The following RELN variants were observed in gnomAD, a reference collection of about 807,000 sequenced individuals.
RELN encodes reelin.
RELN carries 108 observed loss-of-function variants against 427.6 expected under a neutral mutation model. That is an observed-to-expected ratio of 0.25 (90% CI 0.22 to 0.30). RELN has a LOEUF of 0.30. Ranked by LOEUF, RELN falls within the 10% of genes least tolerant of loss-of-function variation. The pLI, the probability that RELN is intolerant of heterozygous loss-of-function variation, is 1.00. For missense variants in RELN, 3,715 were observed against 4,302.8 expected, an observed-to-expected ratio of 0.86 and a Z score of 3.82; for synonymous variants, 1,524 against 1,513.4, an observed-to-expected ratio of 1.01 and a Z score of -0.16.
chr7:103,921,139 T>C (rs1795609142), intron 1 of RELN, among the ~76,000 whole-genome samples: 2 of 152,296 alleles, frequency 1.3e-5, no homozygotes, highest in Non-Finnish European at 2.9e-5. Flanking sequence ...GCAGAGATAT[T>C]TAGAAATAGT....
Position 103,497,881 on chromosome 7 carries a change from G to A in RELN, c.8889C>T (p.Thr2963=), listed in dbSNP as rs868680912. 1.2e-6 allele frequency: 2 copies of A among 1,614,024 alleles called. No homozygotes were observed. The highest frequency in any genetic ancestry group is 1.7e-6 in the Non-Finnish European group (2 of 1,180,020). ...TCCGGCAGATGGGACGATGGCAAGAGGTCATGTTGTTCTCACTACCGATGC... is the reference window on the plus strand; with the variant it reads ...TCCGGCAGATGGGACGATGGCAAGAAGTCATGTTGTTCTCACTACCGATGC... ...WGRIGSENNM[T]SCHRPICRKE... Residue 2963 remains threonine (T), a synonymous_variant, in exon 55 of 65, where the codon ACC becomes ACT. Coordinates refer to ENST00000428762, the MANE Select transcript of RELN (RefSeq NM_005045.4).
intron 2 of RELN, among the ~76,000 whole-genome samples, chr7:103,890,021 A>T (rs1380433728): frequency 1.3e-5 from 2 of 151,978 alleles, no homozygotes; most frequent in Admixed American, 6.6e-5. Context: ...CTTTTTGTTA[A>T]TGCACCCCTC....
intron 58 of RELN, 46 bp downstream of exon 58, chr7:103,491,907 T>TG (rs1828685114): frequency 1.8e-6 from 2 of 1,122,264 alleles, no homozygotes; most frequent in African/African-American, 3.2e-5. Context: ...ACGATTTGGA[T>TG]GGGGTATTCA....
intron 2 of RELN, among the ~76,000 whole-genome samples, chr7:103,907,249 C>A (rs986584213): frequency 2.0e-5 from 3 of 151,372 alleles, no homozygotes; most frequent in African/African-American, 7.3e-5. Flanking sequence ...AACCCCATCT[C>A]TACTAAAAAC....
chr7:103,780,906 C>A (rs145529460), intron 3 of RELN, among the ~76,000 whole-genome samples: 1 of 152,274 alleles, frequency 6.6e-6, no homozygotes, highest in African/African-American at 2.4e-5. Flanking sequence ...ATGCTACTGC[C>A]ATAAAATTAC....
At position 103,565,539 on chromosome 7, in the gene RELN, T is replaced by A; in HGVS notation, c.4949A>T (p.Tyr1650Phe). Residue 1650 changes from tyrosine (Y) to phenylalanine (F), a missense_variant, in exon 34 of 65, where the codon TAT becomes TTT. By Grantham distance (22) the Tyr-to-Phe change is conservative. This residue lies in a region of RELN where 2,208 missense variants were observed against 2,361.7 expected (regional missense o/e 0.93). Transcript: ENST00000428762. ...IFTENIGKPR[Y>F]AETWDFHVSA... Reference sequence around the variant, plus strand: ...CACATGAAAATCCCAGGTCTCAGCATAACGAGGTTTTCCTGAAAAAAAAAA... The same window carrying A: ...CACATGAAAATCCCAGGTCTCAGCAAAACGAGGTTTTCCTGAAAAAAAAAA... 6.2e-7 allele frequency: 1 copy of A among 1,607,218 alleles called. No individual in the cohort carries two copies. The highest frequency in any genetic ancestry group is 8.5e-7 in the Non-Finnish European group (1 of 1,177,454).
intron 3 of RELN, among the ~76,000 whole-genome samples, chr7:103,813,147 T>C (rs262374): frequency 0.95 from 144,384 of 152,250 alleles, 68,668 homozygotes; most frequent in South Asian, 1. Flanking sequence ...CCTGGAAGGT[T>C]ACTGGAAACC....
At chr7:103,541,939 A>G (rs1039106304) in intron 43 of RELN, among the ~76,000 whole-genome samples, 2 of 152,224 alleles carry the variant, frequency 1.3e-5, no homozygotes, top group African/African-American at 4.8e-5. Context: ...GGGAAAAAGA[A>G]GGGGTAAAAA....
chr7:103,802,137 G>A (rs756320008), intron 3 of RELN, among the ~76,000 whole-genome samples: 1 of 152,080 alleles, frequency 6.6e-6, no homozygotes, highest in Non-Finnish European at 1.5e-5. Flanking sequence ...ATAAGAGAAC[G>A]AAAGTAAGAG....
At chr7:103,507,775 A>T (rs1829265097) in intron 51 of RELN, among the ~76,000 whole-genome samples, 3 of 152,188 alleles carry the variant, frequency 2.0e-5, no homozygotes, top group African/African-American at 7.2e-5. Context: ...AACAAAAGAG[A>T]TGGACCACTA....
intron 2 of RELN, among the ~76,000 whole-genome samples, chr7:103,848,810 G>C (rs1793744637): frequency 6.6e-6 from 1 of 152,172 alleles, no homozygotes; most frequent in Non-Finnish European, 1.5e-5. Flanking sequence ...TGGACTTCTT[G>C]ATCCAAAAGT....
intron 11 of RELN, among the ~76,000 whole-genome samples, chr7:103,665,187 T>C (rs948124190): frequency 6.6e-6 from 1 of 152,156 alleles, no homozygotes; most frequent in Non-Finnish European, 1.5e-5. Flanking sequence ...CTGTTAACCG[T>C]TGGCCCTAAT....
At chr7:103,566,830 G>T (rs894549561) in intron 31 of RELN, 71 bp from the exon 32 acceptor site, 3 of 1,467,770 alleles carry the variant, frequency 2.0e-6, no homozygotes, top group African/African-American at 2.8e-5. Flanking sequence ...TTTCTTAAAT[G>T]GTGAGACTGC....
chr7:103,644,110 A>G (rs1222558932), intron 16 of RELN, among the ~76,000 whole-genome samples: 1 of 151,878 alleles, frequency 6.6e-6, no homozygotes, highest in East Asian at 1.9e-4. Context: ...TCAAGAGAAA[A>G]AAAATTCCAT....
chr7:103,739,353 G>C (rs954040989), intron 6 of RELN, among the ~76,000 whole-genome samples: 2 of 152,178 alleles, frequency 1.3e-5, no homozygotes, highest in Admixed American at 1.3e-4. Context: ...TCTGAATTTA[G>C]TTATACGAGG....
chr7:103,501,070 C>T (rs934622374), intron 52 of RELN, 148 bp from the exon 53 acceptor site: 7 of 725,628 alleles, frequency 9.6e-6, no homozygotes, highest in Non-Finnish European at 1.6e-5. Flanking sequence ...TGTTTTCTGA[C>T]CACTCTTATC....
At chr7:103,770,518 T>C (rs1348911632) in intron 4 of RELN, among the ~76,000 whole-genome samples, 2 of 152,186 alleles carry the variant, frequency 1.3e-5, no homozygotes, top group African/African-American at 2.4e-5. Context: ...CAACTTCAAC[T>C]AGGTGTGTTC....
intron 60 of RELN, 50 bp downstream of exon 60, chr7:103,489,692 G>T: frequency 6.2e-7 from 1 of 1,602,172 alleles, no homozygotes; most frequent in Non-Finnish European, 8.5e-7. Context: ...GTTAAGATGA[G>T]GAGAACCTCT....
In RELN at chr7:103,515,167, G is replaced by A; in HGVS notation, c.8119+18C>T. 1 of 1,614,076 alleles carries A rather than the reference G, an allele frequency of 6.2e-7. No individual in the cohort carries two copies. Among genetic ancestry groups the A allele is most frequent in the South Asian group, 1.1e-5 (1 of 91,068 alleles). On this transcript the variant is annotated intron_variant, in intron 50 of 64. Transcript: ENST00000428762. Reference sequence around the variant, plus strand: ...GCATTTCCACTGGGCTTTTTATTTAGCGCTGTGCATAATTTACCTGAAGTT... The same window carrying A: ...GCATTTCCACTGGGCTTTTTATTTAACGCTGTGCATAATTTACCTGAAGTT...
Sources: gnomAD v4.1 joint callset for allele counts (sites outside exome capture counted in the v4.1 genomes callset) on GRCh38, gnomAD v4.1.1 for gene constraint, gnomAD v4.1.1 regional missense constraint, MANE v1.5 for transcripts, NCBI Gene and HGNC (gene_info 2026-07-23, HGNC 2026-07-21) for gene names.